CSMD1: variants seen among roughly 807,000 people sequenced by gnomAD.
CSMD1 encodes CUB and sushi domain-containing protein 1.
A neutral mutation model predicts 417.5 loss-of-function variants in CSMD1; 213 were observed. The ratio of observed to expected loss-of-function variants is 0.51; its 90% CI spans 0.46 to 0.57. The LOEUF is 0.57. Among genes scored for constraint, CSMD1 ranks in the 20% least tolerant of loss-of-function variants. The probability of loss-of-function intolerance (pLI) is 0.00; values close to 1 mark genes in which losing one functional copy is unlikely to be tolerated. For synonymous variants in CSMD1, 2,862 were observed against 1,736.8 expected, an observed-to-expected ratio of 1.65 and a Z score of -16.11; for missense variants, 6,923 against 4,529.7, an observed-to-expected ratio of 1.53 and a Z score of -15.17.
At chr8:3,998,300 T>G (rs1815383408) in intron 4 of CSMD1, among the ~76,000 whole-genome samples, 190 bp from the exon 5 acceptor site, 1 of 152,222 alleles carries the variant, frequency 6.6e-6, no homozygotes, top group Non-Finnish European at 1.5e-5. Flanking sequence ...CTCTAACATT[T>G]AAATTATCTT....
At chr8:3,705,494 C>G (rs1563291854) in intron 7 of CSMD1, among the ~76,000 whole-genome samples, 1 of 152,210 alleles carries the variant, frequency 6.6e-6, no homozygotes, top group Non-Finnish European at 1.5e-5. Context: ...AGATAATTCC[C>G]TGGCCACTGC....
chr8:3,232,587 G>A (rs1485992320), intron 26 of CSMD1, among the ~76,000 whole-genome samples: 1 of 152,126 alleles, frequency 6.6e-6, no homozygotes, highest in Non-Finnish European at 1.5e-5. Flanking sequence ...TCTTTCAAAT[G>A]ACATGGGCTG....
intron 64 of CSMD1, among the ~76,000 whole-genome samples, chr8:2,954,588 A>T (rs561808707): frequency 2.0e-5 from 3 of 152,278 alleles, no homozygotes; most frequent in African/African-American, 7.2e-5. Flanking sequence ...ATACCCTGCC[A>T]CATACTAAAA....
At chr8:4,941,905 A>C (rs1447052699) in intron 1 of CSMD1, among the ~76,000 whole-genome samples, 1 of 152,150 alleles carries the variant, frequency 6.6e-6, no homozygotes, top group Non-Finnish European at 1.5e-5. Context: ...TGGCCCCATC[A>C]GCAATTTGAT....
intron 5 of CSMD1, among the ~76,000 whole-genome samples, chr8:3,787,409 G>C (rs932460779): frequency 8.6e-5 from 13 of 151,940 alleles, no homozygotes; most frequent in Admixed American, 7.9e-4. Flanking sequence ...CCTGTTTTGT[G>C]GGAAATTCAT....
intron 2 of CSMD1, among the ~76,000 whole-genome samples, chr8:4,541,370 G>A (rs1563270509): frequency 6.6e-6 from 1 of 152,174 alleles, no homozygotes; most frequent in Non-Finnish European, 1.5e-5. Context: ...GTGTTAAAGT[G>A]TTTTTATAGT....
At chr8:4,804,561 G>T (rs1056087461) in intron 1 of CSMD1, among the ~76,000 whole-genome samples, 2 of 151,846 alleles carry the variant, frequency 1.3e-5, no homozygotes, top group African/African-American at 4.8e-5. Context: ...GGAACACTGG[G>T]AGGGAGGGAA....
rs375040528 is a variant in CSMD1, at chr8:3,108,556, C to G, written c.6754+47G>C. The G allele has an allele frequency of 2.5e-6, 4 of 1,598,688 alleles. No homozygotes were observed. In the African/African-American group the frequency reaches 5.4e-5, roughly 21 times the overall value. On this transcript the variant is annotated intron_variant, in intron 44 of 69. Coordinates refer to ENST00000635120, the MANE Select transcript of CSMD1 (RefSeq NM_033225.6). Reference sequence around the variant, plus strand: ...GCGTGGGACAACACTGCAGGAAACACCACATGGAATTCTCAGTCTTAACTA... The same window carrying G: ...GCGTGGGACAACACTGCAGGAAACAGCACATGGAATTCTCAGTCTTAACTA...
chr8:3,392,012 A>C (rs574768183), intron 17 of CSMD1, among the ~76,000 whole-genome samples: 69 of 151,354 alleles, frequency 4.6e-4, no homozygotes, highest in Middle Eastern at 3.4e-3. Context: ...AAAGACAAAA[A>C]ACCAAACACC....
chr8:4,041,629 T>C (rs542268645), intron 3 of CSMD1, among the ~76,000 whole-genome samples: 1 of 152,174 alleles, frequency 6.6e-6, no homozygotes, highest in South Asian at 2.1e-4. Context: ...AGTAAGAAGA[T>C]ATCCATAAGA....
At chr8:3,827,686 T>G (rs919397982) in intron 5 of CSMD1, among the ~76,000 whole-genome samples, 1 of 152,242 alleles carries the variant, frequency 6.6e-6, no homozygotes, top group Non-Finnish European at 1.5e-5. Flanking sequence ...CCCAATTTAT[T>G]GACTTCATTG....
intron 3 of CSMD1, among the ~76,000 whole-genome samples, chr8:4,193,009 A>C (rs1799118726): frequency 6.6e-6 from 1 of 152,192 alleles, no homozygotes; most frequent in African/African-American, 2.4e-5. Context: ...TATCTTTGTA[A>C]CTCAGGAACT....
chr8:4,966,328 A>G (rs1333227770), intron 1 of CSMD1, among the ~76,000 whole-genome samples: 2 of 152,108 alleles, frequency 1.3e-5, no homozygotes, highest in African/African-American at 4.8e-5. Flanking sequence ...GCAGTGAGCC[A>G]AGATCACACC....
chr8:4,728,786 G>T (rs1040456292), intron 1 of CSMD1, among the ~76,000 whole-genome samples: 2 of 152,126 alleles, frequency 1.3e-5, no homozygotes, highest in Middle Eastern at 3.4e-3. Flanking sequence ...GATGTCTGCT[G>T]CCACCTAAAA....
chr8:3,051,424 C>G (rs1404250242), intron 50 of CSMD1, among the ~76,000 whole-genome samples: 1 of 152,144 alleles, frequency 6.6e-6, no homozygotes, highest in Non-Finnish European at 1.5e-5. Flanking sequence ...AAGGCAGCAA[C>G]AGACACTGGG....
intron 2 of CSMD1, among the ~76,000 whole-genome samples, chr8:4,577,544 C>G (rs1008848109): frequency 6.6e-6 from 1 of 152,172 alleles, no homozygotes; most frequent in Non-Finnish European, 1.5e-5. Context: ...CAGTGTGGCC[C>G]ACGGCATCCT....
intron 5 of CSMD1, among the ~76,000 whole-genome samples, chr8:3,979,144 C>T (rs1356043560): frequency 6.6e-6 from 1 of 152,150 alleles, no homozygotes; most frequent in East Asian, 1.9e-4. Context: ...GGCCTCAGGC[C>T]CTGATCACAT....
intron 5 of CSMD1, among the ~76,000 whole-genome samples, chr8:3,799,338 C>A (rs1238852952): frequency 6.6e-6 from 1 of 150,962 alleles, no homozygotes; most frequent in Non-Finnish European, 1.5e-5. Flanking sequence ...TGCTGGTGTG[C>A]TGCACCCATT....
chr8:4,864,885 CACACACACACAA>C (rs1199589609), intron 1 of CSMD1, among the ~76,000 whole-genome samples: 2 of 149,520 alleles, frequency 1.3e-5, no homozygotes, highest in African/African-American at 5.0e-5. Context: ...TACACACACA[CACACACACACAA>C]ACACACACAC....
Sources: gnomAD v4.1 joint callset for allele counts (sites outside exome capture counted in the v4.1 genomes callset) on GRCh38, gnomAD v4.1.1 for gene constraint, MANE v1.5 for transcripts, NCBI Gene and HGNC (gene_info 2026-07-23, HGNC 2026-07-21) for gene names.